Variants in KRT16 observed in about 807,000 individuals in gnomAD.
KRT16 encodes keratin 16.
A neutral mutation model predicts 44.8 loss-of-function variants in KRT16; 42 were observed. That is an observed-to-expected ratio of 0.94 (90% CI 0.73 to 1.21). The LOEUF (loss-of-function observed/expected upper bound fraction) is 1.21, where lower values mean the gene tolerates loss of function less well. Ranked by LOEUF, KRT16 falls within the 50% of genes most tolerant of loss-of-function variation. The probability of loss-of-function intolerance (pLI) is 0.00; values close to 1 mark genes in which losing one functional copy is unlikely to be tolerated. For synonymous variants in KRT16, 226 were observed against 260.4 expected, an observed-to-expected ratio of 0.87 and a Z score of 1.27; for missense variants, 561 against 626.9, an observed-to-expected ratio of 0.89 and a Z score of 1.12.
rs561324843 is a variant in KRT16, at chr17:41,611,144, C to T, written c.858G>A (p.Leu286=). 20 of 1,614,000 alleles carry T rather than the reference C, an allele frequency of 1.2e-5. No homozygotes were observed. The highest frequency in any genetic ancestry group is 3.3e-4 in the Middle Eastern group (2 of 6,056). The change falls in exon 4 of 8, where the codon CTG becomes CTA. Residue 286 remains leucine, a synonymous_variant. Transcript: ENST00000301653. ...GCTCGTACTGGTCACGCATCTCATT[C>T]AGGATGCGGCTCAGGTCCACGCCAG... ...AAPGVDLSRI[L]NEMRDQYEQM...
chr17:41,611,050 CT>C lies in KRT16; in HGVS notation c.933+18del, dbSNP rs758953756. ...CCAGCTGGGAAGTGCTGCAGGCTCA[CT>C]GCGGGCCCGAGCCCCACCTTGCTCA... On this transcript the variant is annotated intron_variant, in intron 4 of 7. Transcript: ENST00000301653. 6.4e-5 allele frequency: 103 copies of C among 1,613,922 alleles called. No homozygotes were observed. Among genetic ancestry groups the C allele is most frequent in the Non-Finnish European group, 8.2e-5 (97 of 1,179,890 alleles).
chr17:41,611,350 C>G lies in KRT16; in HGVS notation c.766G>C (p.Glu256Gln). 6.2e-7 allele frequency: 1 copy of G among 1,614,152 alleles called. No homozygotes were observed. Among genetic ancestry groups the G allele is most frequent in the Non-Finnish European group, 8.5e-7 (1 of 1,179,996 alleles). ...GAAGCCAGCAGCGACCGTACCTCCT[C>G]GTGGTTCTTCCTCAGGTAGGCCAGC... ...EELAYLRKNH[E>Q]EEMLALRGQT... The change falls in exon 3 of 8, where the codon GAG becomes CAG. Residue 256 changes from glutamate to glutamine, a missense_variant. Transcript: ENST00000301653.
rs777901534 is a variant in KRT16, at chr17:41,610,358, C to T, written c.1253G>A (p.Arg418His). ...TRLEQEIATYRRLLEGEDAHL... is the reference protein window; with the variant it reads ...TRLEQEIATYHRLLEGEDAHL... ...GGCATCCTCGCCCTCCAGCAGGCGG[C>T]GGTAGGTGGCAATCTCCTGCTCCAG... is the stretch of plus-strand genomic sequence containing the variant. The change falls in exon 6 of 8, where the codon CGC (arginine) becomes CAC (histidine). Residue 418 changes from arginine to histidine, a missense_variant. Transcript: ENST00000301653. 9.3e-6 allele frequency: 15 copies of T among 1,612,588 alleles called. No homozygotes were observed. The highest frequency in any genetic ancestry group is 5.0e-5 in the Admixed American group (3 of 60,000).
chr17:41,611,240 G>A lies in KRT16; in HGVS notation c.772-10C>T. On this transcript the variant is annotated splice_polypyrimidine_tract_variant and intron_variant, in intron 3 of 7. Transcript: ENST00000301653. ...TCAGAGCAAGCATCTCCTGGGAAGG[G>A]ATGGCAGGAGGCGGTCAGTTCAGCA... is the stretch of plus-strand genomic sequence containing the variant. 6.2e-7 allele frequency: 1 copy of A among 1,614,004 alleles called. No individual in the cohort carries two copies. The highest frequency in any genetic ancestry group is 8.5e-7 in the Non-Finnish European group (1 of 1,179,868).
At chr17:41,611,930 C>T in intron 1 of KRT16, 2 of 781,030 alleles carry the variant, frequency 2.6e-6, no homozygotes, top group Non-Finnish European at 4.3e-6. Context: ...GGAAGCTGAA[C>T]TTGCAGCTGA....
In KRT16 at chr17:41,611,464, C is replaced by T. The variant is rs1283618490; in HGVS notation, c.652G>A (p.Ala218Thr). The T allele has an allele frequency of 1.2e-6, 2 of 1,614,094 alleles. No homozygotes were observed. The highest frequency in any genetic ancestry group is 3.3e-5 in the Admixed American group (2 of 60,028). ...ACCCGGCGCAGGCCATTGACGTCGGCCTCCACAGTCTGCCGCAGGGCCAGT... is the reference window on the plus strand; with the variant it reads ...ACCCGGCGCAGGCCATTGACGTCGGTCTCCACAGTCTGCCGCAGGGCCAGT... Reference protein sequence around the residue: ...HELALRQTVEADVNGLRRVLD... With the variant: ...HELALRQTVETDVNGLRRVLD... Residue 218 changes from alanine to threonine, a missense_variant, in exon 3 of 8, where the codon GCC (alanine) becomes ACC (threonine). Physicochemically the swap from Ala to Thr is moderately conservative, Grantham distance 58 (BLOSUM62 0). Coordinates refer to ENST00000301653, the MANE Select transcript of KRT16 (RefSeq NM_005557.4).
chr17:41,610,827 G>A, intron 5 of KRT16, 27 bp downstream of exon 5: 1 of 1,613,162 alleles, frequency 6.2e-7, no homozygotes, highest in Non-Finnish European at 8.5e-7. Context: ...TGACTTGGGG[G>A]CTGCTGCTGT....
At chr17:41,611,780 T>G (rs56735229) in intron 1 of KRT16, 59 bp from the exon 2 acceptor site, 4 of 1,510,276 alleles carry the variant, frequency 2.6e-6, no homozygotes, top group Non-Finnish European at 2.7e-6. Context: ...TACTTGAGCA[T>G]GAAAGGCAGA....
chr17:41,611,043 A>G (rs1315349539), intron 4 of KRT16, 26 bp downstream of exon 4: 1 of 1,613,994 alleles, frequency 6.2e-7, no homozygotes, highest in Non-Finnish European at 8.5e-7. Context: ...GAAGTGCTGC[A>G]GGCTCACTGC....
rs774567335 is a variant in KRT16 at position 41,610,193 on chromosome 17, C to G, written c.1324G>C (p.Glu442Gln). Residue 442 changes from glutamate (E) to glutamine (Q), a missense_variant, in exon 7 of 8, where the codon GAG becomes CAG. Transcript: ENST00000301653. ...CGGGGAGCCTCAGAAGCCTTACCCTCGCGGGAAGAATAGGATTGGCCAGAT... is the reference window on the plus strand; with the variant it reads ...CGGGGAGCCTCAGAAGCCTTACCCTGGCGGGAAGAATAGGATTGGCCAGAT... ...QASGQSYSSR[E>Q]VFTSSSSSSS... The G allele has an allele frequency of 1.9e-6, 3 of 1,613,910 alleles. No individual in the cohort carries two copies. Among genetic ancestry groups the G allele is most frequent in the South Asian group, 1.1e-5 (1 of 91,066 alleles).
intron 5 of KRT16, 74 bp downstream of exon 5, chr17:41,610,780 G>T (rs1465992660): frequency 5.3e-5 from 85 of 1,606,828 alleles, no homozygotes; most frequent in Middle Eastern, 2.1e-4. Flanking sequence ...GGTGGAACTA[G>T]ACTGTGGCTT....
chr17:41,609,821 AGAG>A lies in KRT16; in HGVS notation c.*111_*113del, dbSNP rs1464483975. Reference sequence around the variant, plus strand: ...TCAGCTTTATTAGCCCACCACCAGCAGAGGAGCAGGGGAGATAGCTGGGAACTG... The same window carrying A: ...TCAGCTTTATTAGCCCACCACCAGCAGAGCAGGGGAGATAGCTGGGAACTG... On this transcript the variant is annotated 3_prime_UTR_variant, in exon 8 of 8. Transcript: ENST00000301653. 1.1e-4 allele frequency: 92 copies of A among 824,252 alleles called. No homozygotes were observed. Among genetic ancestry groups the A allele is most frequent in the Non-Finnish European group, 1.9e-4 (90 of 486,310 alleles). The allele number at this position is 824,252 out of a possible 1,614,324, so 51.1% of individuals were successfully genotyped here.
Position 41,611,507 on chromosome 17 carries a change from A to G in KRT16, c.615-6T>C. 6.2e-7 allele frequency: 1 copy of G among 1,613,470 alleles called. No homozygotes were observed. The highest frequency in any genetic ancestry group is 8.5e-7 in the Non-Finnish European group (1 of 1,179,972). The stretch of plus-strand genomic sequence containing the variant: ...GGGCCAGTTCATGCTCATACCTGGC[A>G]GGACAGAGGTCAGGTCCTCAGGCTG... On this transcript the variant is annotated splice_polypyrimidine_tract_variant and splice_region_variant and intron_variant, in intron 2 of 7. Coordinates refer to ENST00000301653, the MANE Select transcript of KRT16 (RefSeq NM_005557.4).
Position 41,611,680 on chromosome 17 carries a change from C to T in KRT16, c.573G>A (p.Gln191=), listed in dbSNP as rs1039516167. The change falls in exon 2 of 8, where the codon CAG becomes CAA. Residue 191 remains glutamine, a synonymous_variant. Transcript: ENST00000301653. The stretch of plus-strand genomic sequence containing the variant: ...CGGCTGCCAGCCTGGCATTGTCAAT[C>T]TGCAAAATGGGCTGCGCATTCTCAA... ...ATIENAQPIL[Q]IDNARLAADD... 3.7e-6 allele frequency: 6 copies of T among 1,611,400 alleles called. No homozygotes were observed. The highest frequency in any genetic ancestry group is 4.2e-6 in the Non-Finnish European group (5 of 1,179,668).
chr17:41,610,872 C>A lies in KRT16; in HGVS notation c.1041G>T (p.Leu347=), dbSNP rs1192257958. The change falls in exon 5 of 8, where the codon CTG becomes CTT. Residue 347 remains leucine (L), a synonymous_variant. Coordinates refer to ENST00000301653, the MANE Select transcript of KRT16 (RefSeq NM_005557.4). ...RRVLQGLEIE[L]QSQLSMKASL... ...TTCATACCATGCTGAGCTGGGACTG[C>A]AGCTCAATCTCCAGGCCCTGGAGCA... is the stretch of plus-strand genomic sequence containing the variant. 2 of 1,614,020 alleles carry A rather than the reference C, an allele frequency of 1.2e-6. No homozygotes were observed. The highest frequency in any genetic ancestry group is 1.7e-6 in the Non-Finnish European group (2 of 1,180,032).
At chr17:41,611,898 C>T in intron 1 of KRT16, 177 bp from the exon 2 acceptor site, 3 of 784,682 alleles carry the variant, frequency 3.8e-6, no homozygotes, top group Non-Finnish European at 6.5e-6. Context: ...TCCCGATCAC[C>T]CCCTTCCTGG....
chr17:41,610,615 G>A (rs1908157440), intron 5 of KRT16, 64 bp from the exon 6 acceptor site: 1 of 1,589,596 alleles, frequency 6.3e-7, no homozygotes, highest in Admixed American at 1.7e-5. Context: ...CAGGTCTCTG[G>A]GCATGTTTTT....
intron 4 of KRT16, 32 bp from the exon 5 acceptor site, chr17:41,611,011 C>T: frequency 6.2e-7 from 1 of 1,614,002 alleles, no homozygotes; most frequent in Non-Finnish European, 8.5e-7. Flanking sequence ...AAAGGTGAGG[C>T]TCTCCCAAAG....
At chr17:41,612,012 C>G in intron 1 of KRT16, 146 bp downstream of exon 1, 1 of 1,065,036 alleles carries the variant, frequency 9.4e-7, no homozygotes, top group Non-Finnish European at 1.5e-6. Flanking sequence ...AAGGGACCCT[C>G]TGCTACCACT....
Sources: gnomAD v4.1 joint callset for allele counts on GRCh38, gnomAD v4.1.1 for gene constraint, MANE v1.5 for transcripts, NCBI Gene and HGNC (gene_info 2026-07-23, HGNC 2026-07-21) for gene names.